The following EML5 variants were observed in gnomAD, a reference collection of about 807,000 sequenced individuals.
EML5 encodes EMAP like 5.
EML5 carries 120 observed loss-of-function variants against 250.0 expected under a neutral mutation model. The observed-to-expected ratio is 0.48, with a 90% CI of 0.41 to 0.56. EML5 has a LOEUF of 0.56. EML5 is among the 20% of genes least tolerant of loss of function. The probability of loss-of-function intolerance (pLI) is 0.00; values close to 1 mark genes in which losing one functional copy is unlikely to be tolerated. For synonymous variants in EML5, 771 were observed against 806.5 expected (o/e 0.96, Z 0.75); for missense variants, 2,006 against 2,437.6 (o/e 0.82, Z 3.73).
chr14:88,724,030 G>T (rs1000417253), intron 8 of EML5, among the ~76,000 whole-genome samples: 17 of 151,910 alleles, frequency 1.1e-4, no homozygotes, highest in African/African-American at 3.9e-4. Flanking sequence ...CAGCACTCTG[G>T]GAGGCCGAGG....
intron 27 of EML5, among the ~76,000 whole-genome samples, chr14:88,650,290 T>TAAAAATAACA (rs1352321886): frequency 6.6e-6 from 1 of 151,950 alleles, no homozygotes; most frequent in Non-Finnish European, 1.5e-5. Flanking sequence ...CCGTCTCTAC[T>TAAAAATAACA]AAAAATAACA....
chr14:88,655,202 G>A (rs762669746), intron 27 of EML5, among the ~76,000 whole-genome samples: 1 of 152,094 alleles, frequency 6.6e-6, no homozygotes, highest in South Asian at 2.1e-4. Flanking sequence ...AAAGCTGGAG[G>A]CATCATGCTA....
intron 15 of EML5, among the ~76,000 whole-genome samples, chr14:88,696,283 A>G (rs2141348148): frequency 6.6e-6 from 1 of 152,072 alleles, no homozygotes; most frequent in South Asian, 2.1e-4. Flanking sequence ...CTATTAATGT[A>G]TTTCCTCCCT....
chr14:88,733,553 G>C (rs950926591), intron 7 of EML5, among the ~76,000 whole-genome samples: 1 of 152,204 alleles, frequency 6.6e-6, no homozygotes, highest in Non-Finnish European at 1.5e-5. Flanking sequence ...CAGCTAGGTG[G>C]CACTTGGTAA....
chr14:88,637,056 A>T lies in EML5; in HGVS notation c.4336+1753T>A, dbSNP rs903284031. The stretch of plus-strand genomic sequence containing the variant: ...TATGATTTTTAACAGAAGGAACAAT[A>T]AACATTGTAAATGCTGTTTTGTGTT... On this transcript the variant is annotated intron_variant, in intron 32 of 43. Transcript: ENST00000554922. Among the ~76,000 whole-genome samples, 28 of 152,240 alleles carry T rather than the reference A, an allele frequency of 1.8e-4. 1 individual carries two copies. Among genetic ancestry groups the T allele is most frequent in the Non-Finnish European group, 4.4e-5 (3 of 68,042 alleles).
At chr14:88,670,073 T>C (rs2092415850) in intron 21 of EML5, among the ~76,000 whole-genome samples, 1 of 151,574 alleles carries the variant, frequency 6.6e-6, no homozygotes, top group South Asian at 2.1e-4. Context: ...CCCAGCACTT[T>C]TGGGAGGCCG....
chr14:88,639,159 A>C (rs1041289050), intron 31 of EML5, among the ~76,000 whole-genome samples: 1 of 152,228 alleles, frequency 6.6e-6, no homozygotes, highest in Non-Finnish European at 1.5e-5. Context: ...GTTGGGATCA[A>C]AATGCTATGG....
At position 88,618,678 on chromosome 14, in the gene EML5, T is replaced by G; in HGVS notation, c.5510A>C (p.Asp1837Ala). Residue 1837 changes from aspartate (D) to alanine (A), a missense_variant, in exon 40 of 44, where the codon GAC becomes GCC. This residue lies in a region of EML5 where 405 missense variants were observed against 523.3 expected (regional missense o/e 0.77). Coordinates refer to ENST00000554922, the MANE Select transcript of EML5 (RefSeq NM_183387.3). ...KDIPSFVIQMDFSADSSYLQV... is the reference protein window; with the variant it reads ...KDIPSFVIQMAFSADSSYLQV... ...GAGATAACTGCTATCTGCAGAGAAGTCCATTTGAATGACAAAGCTTGGAAT... is the reference window on the plus strand; with the variant it reads ...GAGATAACTGCTATCTGCAGAGAAGGCCATTTGAATGACAAAGCTTGGAAT... 1.9e-6 allele frequency: 3 copies of G among 1,612,952 alleles called. No individual in the cohort carries two copies. Among genetic ancestry groups the G allele is most frequent in the Non-Finnish European group, 2.5e-6 (3 of 1,179,504 alleles).
intron 1 of EML5, among the ~76,000 whole-genome samples, chr14:88,782,004 T>G (rs981251469): frequency 6.6e-6 from 1 of 152,094 alleles, no homozygotes; most frequent in African/African-American, 2.4e-5. Context: ...CAGAAGAAGA[T>G]AGGAAAATGT....
At chr14:88,644,631 G>T in intron 29 of EML5, 120 bp from the exon 30 acceptor site, 1 of 800,596 alleles carries the variant, frequency 1.2e-6, no homozygotes. Flanking sequence ...GACCCATTCT[G>T]TGGTCCACTA....
rs74278116 is a variant in EML5 at position 88,727,038 on chromosome 14, TTTG to T, written c.1050-363_1050-361del. Among the ~76,000 whole-genome samples, 842 of 151,354 alleles carry T rather than the reference TTTG, an allele frequency of 5.6e-3. 3 individuals are homozygous for T. Among genetic ancestry groups the T allele is most frequent in the Non-Finnish European group, 8.9e-3 (604 of 67,794 alleles). ...AATGTGCCACCCAACCTGGCTATGTTTTGTTGTTGTTGTTGTTGTTGTTGTTTT... is the reference window on the plus strand; with the variant it reads ...AATGTGCCACCCAACCTGGCTATGTTTTGTTGTTGTTGTTGTTGTTGTTTT... On this transcript the variant is annotated intron_variant, in intron 7 of 43. Coordinates refer to ENST00000554922, the MANE Select transcript of EML5 (RefSeq NM_183387.3).
chr14:88,711,124 G>A (rs1163805586), intron 10 of EML5, among the ~76,000 whole-genome samples: 2 of 151,958 alleles, frequency 1.3e-5, no homozygotes, highest in African/African-American at 4.8e-5. Flanking sequence ...AATTTGTTGT[G>A]CATGGTGACT....
chr14:88,621,949 A>G (rs1454976744), intron 37 of EML5: 1 of 452,320 alleles, frequency 2.2e-6, no homozygotes, highest in South Asian at 1.6e-5. Context: ...GTCATCCTAC[A>G]GTACTACAGA....
chr14:88,681,389 T>A (rs1343822660), intron 21 of EML5, among the ~76,000 whole-genome samples: 2 of 152,188 alleles, frequency 1.3e-5, no homozygotes, highest in Non-Finnish European at 2.9e-5. Context: ...GGTGGGCAGA[T>A]CATGAGGTCA....
At position 88,783,799 on chromosome 14, in the gene EML5, T is replaced by C. The variant is rs1188016136; in HGVS notation, c.197+8508A>G. ...GAAACATCTGACTTAATGTGCACTA[T>C]AGACCAAATGGATCTAATAGATATT... On this transcript the variant is annotated intron_variant, in intron 1 of 43. Coordinates refer to ENST00000554922, the MANE Select transcript of EML5 (RefSeq NM_183387.3). Among the ~76,000 whole-genome samples the C allele has an allele frequency of 3.3e-5, 5 of 152,226 alleles. No individual in the cohort carries two copies. The South Asian group carries it at 6.2e-4, about 19-fold the overall frequency.
intron 9 of EML5, 87 bp downstream of exon 9, chr14:88,714,852 A>G: frequency 7.6e-7 from 1 of 1,318,902 alleles, no homozygotes; most frequent in Non-Finnish European, 1.0e-6. Flanking sequence ...ATTTCCTATG[A>G]TCAAATGTAA....
At chr14:88,625,205 G>A in intron 35 of EML5, 78 bp from the exon 36 acceptor site, 1 of 1,485,568 alleles carries the variant, frequency 6.7e-7, no homozygotes, top group East Asian at 2.3e-5. Context: ...TTCTATGTAT[G>A]TGTAATGCTG....
At chr14:88,685,277 A>T (rs1161202800) in intron 19 of EML5, 135 bp from the exon 20 acceptor site, 1 of 648,074 alleles carries the variant, frequency 1.5e-6, no homozygotes, top group Non-Finnish European at 2.4e-6. Context: ...GTATTCTAAT[A>T]AATGTACTAT....
intron 32 of EML5, among the ~76,000 whole-genome samples, chr14:88,638,369 A>C (rs1487669263): frequency 1.3e-5 from 2 of 152,176 alleles, no homozygotes; most frequent in Non-Finnish European, 2.9e-5. Flanking sequence ...TACCAACAAC[A>C]AACAGACTTG....
Sources: gnomAD v4.1 joint callset for allele counts (sites outside exome capture counted in the v4.1 genomes callset) on GRCh38, gnomAD v4.1.1 for gene constraint, gnomAD v4.1.1 regional missense constraint, MANE v1.5 for transcripts, NCBI Gene and HGNC (gene_info 2026-07-23, HGNC 2026-07-21) for gene names.